HCFC2: variants seen among roughly 807,000 people sequenced by gnomAD.
HCFC2 encodes host cell factor 2.
A neutral mutation model predicts 89.2 loss-of-function variants in HCFC2; 18 were observed. The ratio of observed to expected loss-of-function variants is 0.20; its 90% CI spans 0.14 to 0.30. HCFC2 has a LOEUF of 0.30. Among genes scored for constraint, HCFC2 ranks in the 10% least tolerant of loss-of-function variants. The pLI, the probability that HCFC2 is intolerant of heterozygous loss-of-function variation, is 1.00. For synonymous variants in HCFC2, 308 were observed against 335.7 expected, an observed-to-expected ratio of 0.92 and a Z score of 0.90; for missense variants, 578 against 956.1, an observed-to-expected ratio of 0.60 and a Z score of 5.21.
At chr12:104,066,377 C>A in intron 2 of HCFC2, 62 bp downstream of exon 2, 1 of 1,219,384 alleles carries the variant, frequency 8.2e-7, no homozygotes, top group Non-Finnish European at 1.1e-6. Context: ...CATAATTTTT[C>A]AAAAGATTGC....
intron 3 of HCFC2, among the ~76,000 whole-genome samples, chr12:104,071,576 CTATTTTATTT>C (rs1208872384): frequency 2.6e-5 from 4 of 151,102 alleles, no homozygotes; most frequent in East Asian, 1.9e-4. Flanking sequence ...ACAGACCTAA[CTATTTTATTT>C]TATTTTATTT....
chr12:104,077,518 G>T (rs898333571), intron 3 of HCFC2, among the ~76,000 whole-genome samples: 3 of 150,092 alleles, frequency 2.0e-5, no homozygotes, highest in Non-Finnish European at 4.4e-5. Flanking sequence ...TGCTGAGATT[G>T]GGCATGAGCC....
Position 104,095,252 on chromosome 12 carries a change from G to A in HCFC2, c.1463-108G>A. 1 of 794,558 alleles carries A rather than the reference G, an allele frequency of 1.3e-6. No homozygotes were observed. Among genetic ancestry groups the A allele is most frequent in the Admixed American group, 2.4e-5 (1 of 40,836 alleles). The allele number at this position is 794,558 out of a possible 1,614,324, so 49.2% of individuals were successfully genotyped here. ...TACTAATACCATTTGTGGTGCTCAT[G>A]TATGATTTTAAAACTGAAAGTACCA... is the stretch of plus-strand genomic sequence containing the variant. On this transcript the variant is annotated intron_variant, in intron 10 of 14. Transcript: ENST00000229330. This position sits in a 1 kb window ranked among gnomAD's most constrained non-coding sequence, Gnocchi z 4.2.
At position 104,067,944 on chromosome 12, in the gene HCFC2, TAGGCAAG is replaced by T; in HGVS notation, c.313-2_317del. The T allele has an allele frequency of 6.4e-7, 1 of 1,572,416 alleles. No homozygotes were observed. Among genetic ancestry groups the T allele is most frequent in the Admixed American group, 2.1e-5 (1 of 48,582 alleles). On this transcript the variant is annotated splice_acceptor_variant and coding_sequence_variant, in exon 3 of 15. Coordinates refer to ENST00000229330, the MANE Select transcript of HCFC2 (RefSeq NM_013320.3). LOFTEE classifies it high-confidence loss of function. ...ACTGTATTTGTGCCCTTTTTTTTTT[TAGGCAAG>T]TCGTTGGTTATGGAAAAAAGTGAAA...
chr12:104,085,287 A>C (rs7958015), intron 7 of HCFC2, among the ~76,000 whole-genome samples: 1 of 152,118 alleles, frequency 6.6e-6, no homozygotes, highest in Non-Finnish European at 1.5e-5. Context: ...AGTTGAAAAA[A>C]TAATGAAACA....
chr12:104,090,022 G>A (rs75043302), intron 9 of HCFC2, among the ~76,000 whole-genome samples: 6,005 of 152,058 alleles, frequency 0.039, 144 homozygotes, highest in Non-Finnish European at 0.057. Flanking sequence ...ACTTCTCTCT[G>A]TTTCATAATA....
intron 12 of HCFC2, 47 bp from the exon 13 acceptor site, chr12:104,098,296 G>A (rs537518412): frequency 2.8e-5 from 42 of 1,500,204 alleles, no homozygotes; most frequent in African/African-American, 7.1e-5. Context: ...GAAATTTTTC[G>A]TATATTCAAT....
At position 104,068,015 on chromosome 12, in the gene HCFC2, G is replaced by A. The variant is rs200200721; in HGVS notation, c.381G>A (p.Arg127=). The change falls in exon 3 of 15, where the codon CGG becomes CGA. Residue 127 remains arginine, a synonymous_variant. Transcript: ENST00000229330. The surrounding 1 kb of genome is among the most constrained non-coding windows in gnomAD (Gnocchi z 4.1). Reference sequence around the variant, plus strand: ...CTTCTGGTTTACCTCCTTGTCCTCGGCTTGGACATAGCTTCTCTTTATATG... The same window carrying A: ...CTTCTGGTTTACCTCCTTGTCCTCGACTTGGACATAGCTTCTCTTTATATG... ...PPPSGLPPCP[R]LGHSFSLYGN... 3.7e-6 allele frequency: 6 copies of A among 1,608,916 alleles called. No homozygotes were observed. The highest frequency in any genetic ancestry group is 1.1e-5 in the South Asian group (1 of 90,174).
At position 104,079,323 on chromosome 12, in the gene HCFC2, A is replaced by G. The variant is rs1217205283; in HGVS notation, c.474-122A>G. 13 of 744,470 alleles carry G rather than the reference A, an allele frequency of 1.7e-5. No individual in the cohort carries two copies. In the East Asian group the frequency reaches 3.2e-4, roughly 18 times the overall value. 46.1% of individuals were successfully genotyped at this position (744,470 alleles called of 1,614,324 possible). ...GAGGTTTGGGGTTTCTGCTCTCCTA[A>G]TGCCTTTCTGTACTATATGAACTTT... On this transcript the variant is annotated intron_variant, in intron 3 of 14. Coordinates refer to ENST00000229330, the MANE Select transcript of HCFC2 (RefSeq NM_013320.3).
rs754726722 is a variant in HCFC2 at position 104,080,839 on chromosome 12, G to T, written c.767+9G>T. On this transcript the variant is annotated intron_variant, in intron 5 of 14. Transcript: ENST00000229330. ...AGTGTTATAGGAAACAAGTATGGTG[G>T]TTTTTTGTATTTTGCTTCTGTTTTT... The T allele has an allele frequency of 6.4e-6, 10 of 1,568,030 alleles. No homozygotes were observed. Among genetic ancestry groups the T allele is most frequent in the Admixed American group, 5.6e-5 (3 of 53,968 alleles).
At position 104,082,918 on chromosome 12, in the gene HCFC2, A is replaced by ACGCCTGTAATCCCAGC; in HGVS notation, c.1063+17_1063+18insCGCCTGTAATCCCAGC. The ACGCCTGTAATCCCAGC allele has an allele frequency of 6.4e-7, 1 of 1,565,294 alleles. No individual in the cohort carries two copies. Among genetic ancestry groups the ACGCCTGTAATCCCAGC allele is most frequent in the Non-Finnish European group, 8.7e-7 (1 of 1,155,712 alleles). ...TTGATACTGGTAGGTAAGAATATTT[A>ACGCCTGTAATCCCAGC]ACAAATAAACTTTTTCCTTTAGGTA... On this transcript the variant is annotated intron_variant, in intron 7 of 14. Coordinates refer to ENST00000229330, the MANE Select transcript of HCFC2 (RefSeq NM_013320.3).
intron 3 of HCFC2, among the ~76,000 whole-genome samples, chr12:104,079,034 G>C (rs1310632516): frequency 6.6e-6 from 1 of 152,166 alleles, no homozygotes; most frequent in African/African-American, 2.4e-5. Context: ...AAGTCACGTA[G>C]TGTGCTTTCA....
In HCFC2 at chr12:104,095,607, A is replaced by G. The variant is rs559487158; in HGVS notation, c.1666+44A>G. On this transcript the variant is annotated intron_variant, in intron 11 of 14. Transcript: ENST00000229330. The surrounding 1 kb of genome is among the most constrained non-coding windows in gnomAD (Gnocchi z 4.2). ...ATACTGTATTTTGAACCATTTATGTATATAAATTCATCAAACTTACTTGTC... is the reference window on the plus strand; with the variant it reads ...ATACTGTATTTTGAACCATTTATGTGTATAAATTCATCAAACTTACTTGTC... The G allele has an allele frequency of 5.5e-5, 80 of 1,456,602 alleles. No individual in the cohort carries two copies. In the South Asian group the frequency reaches 8.3e-4, roughly 15 times the overall value. 90.2% of individuals were successfully genotyped at this position (1,456,602 alleles called of 1,614,324 possible).
chr12:104,091,744 T>A (rs183749570), intron 9 of HCFC2, among the ~76,000 whole-genome samples: 1 of 152,246 alleles, frequency 6.6e-6, no homozygotes, highest in African/African-American at 2.4e-5. Context: ...ACTTACTGGC[T>A]ACCTGGCTGT....
Position 104,064,729 on chromosome 12 carries a change from C to T in HCFC2, c.163+6C>T. ...GCTGCACGTCTACAACACGGGTAGG[C>T]GCGGCGGCGGCTCGTCGGCCCCGCC... is the stretch of plus-strand genomic sequence containing the variant. On this transcript the variant is annotated splice_donor_region_variant and intron_variant, in intron 1 of 14. Transcript: ENST00000229330. The surrounding 1 kb of genome is among the most constrained non-coding windows in gnomAD (Gnocchi z 7.3). 3 of 1,546,982 alleles carry T rather than the reference C, an allele frequency of 1.9e-6. No homozygotes were observed. Among genetic ancestry groups the T allele is most frequent in the Non-Finnish European group, 2.6e-6 (3 of 1,149,398 alleles).
intron 3 of HCFC2, among the ~76,000 whole-genome samples, chr12:104,076,071 T>C (rs907313766): frequency 6.6e-6 from 1 of 152,246 alleles, no homozygotes; most frequent in Non-Finnish European, 1.5e-5. Flanking sequence ...ATTTTTGTGA[T>C]TCCATAGGTG....
chr12:104,102,906 A>T, intron 14 of HCFC2, 53 bp from the exon 15 acceptor site: 1 of 1,412,566 alleles, frequency 7.1e-7, no homozygotes, highest in Non-Finnish European at 9.7e-7. Context: ...ATAATAAGTG[A>T]TAACAGAGGA....
At chr12:104,084,528 A>G (rs1237488525) in intron 7 of HCFC2, among the ~76,000 whole-genome samples, 2 of 152,228 alleles carry the variant, frequency 1.3e-5, no homozygotes, top group Non-Finnish European at 2.9e-5. Flanking sequence ...AGGAAAGTGT[A>G]GGAATGGAGG....
At chr12:104,100,695 T>A (rs1306381090) in intron 13 of HCFC2, among the ~76,000 whole-genome samples, 1 of 152,298 alleles carries the variant, frequency 6.6e-6, no homozygotes, top group South Asian at 2.1e-4. Context: ...TTATATATAT[T>A]TTAGTTGCTC....
Sources: allele counts gnomAD v4.1 joint callset (sites outside exome capture counted in the v4.1 genomes callset), GRCh38; gene constraint gnomAD v4.1.1; non-coding constraint Gnocchi (gnomAD v3.1); transcripts MANE v1.5; gene names NCBI Gene and HGNC (gene_info 2026-07-23, HGNC 2026-07-21).